The following STIL variants were observed in gnomAD, a reference collection of about 807,000 sequenced individuals.
The protein encoded by STIL is SCL-interrupting locus protein.
A neutral mutation model predicts 110.1 loss-of-function variants in STIL; 55 were observed. The ratio of observed to expected loss-of-function variants is 0.50; its 90% confidence interval spans 0.40 to 0.63. The LOEUF is 0.63. Among genes scored for constraint, STIL ranks in the 20% least tolerant of loss-of-function variants. STIL has a pLI of 0.00. For missense variants in STIL, 1,358 were observed against 1,530.0 expected (o/e 0.89, Z 1.87); for synonymous variants, 481 against 530.0 (o/e 0.91, Z 1.27).
chr1:47,287,624 C>G lies in STIL; in HGVS notation c.1060G>C (p.Glu354Gln), dbSNP rs184044615. The G allele has an allele frequency of 5.6e-6, 9 of 1,613,618 alleles. No individual in the cohort carries two copies. The Admixed American group carries it at 1.5e-4, about 27-fold the overall frequency. ...GCATTTTGGCTTTCAGCGCTCAGTT[C>G]ACAACGGATTGGATTTTTGTCAGGA... is the stretch of plus-strand genomic sequence containing the variant. ...EPPDKNPIRC[E>Q]LSAESQNAET... Residue 354 changes from glutamate (E) to glutamine (Q), a missense_variant, in exon 10 of 17, where the codon GAA becomes CAA. Physicochemically the swap from Glu to Gln is conservative, Grantham distance 29 (BLOSUM62 2). Coordinates refer to ENST00000371877, the MANE Select transcript of STIL (RefSeq NM_001048166.1).
chr1:47,311,280 T>TTC (rs1557782875), intron 1 of STIL, among the ~76,000 whole-genome samples: 3 of 147,734 alleles, frequency 2.0e-5, no homozygotes, highest in African/African-American at 2.6e-5. Context: ...CTTTTCTTTT[T>TTC]TTCTTTTTTT....
chr1:47,264,049 G>A (rs1644565489), intron 14 of STIL, among the ~76,000 whole-genome samples: 2 of 152,024 alleles, frequency 1.3e-5, no homozygotes, highest in Non-Finnish European at 2.9e-5. Context: ...CACTGCACCT[G>A]GCCTCAAGGA....
In STIL at chr1:47,280,400, T is replaced by G. The variant is rs981021442; in HGVS notation, c.2058A>C (p.Ala686=). The change falls in exon 12 of 17, where the codon GCA becomes GCC. Residue 686 remains alanine (A), a synonymous_variant. Coordinates refer to ENST00000371877, the MANE Select transcript of STIL (RefSeq NM_001048166.1). ...PHSNIEPSPV[A]RPPSHMDLCN... The stretch of plus-strand genomic sequence containing the variant: ...ATAAGTCCATATGTGAAGGCGGTCT[T>G]GCCACAGGCGATGGTTCAATATTGC... 6.2e-7 allele frequency: 1 copy of G among 1,614,228 alleles called. No individual in the cohort carries two copies. Among genetic ancestry groups the G allele is most frequent in the East Asian group, 2.2e-5 (1 of 44,880 alleles).
chr1:47,272,391 C>A, intron 12 of STIL, 150 bp from the exon 13 acceptor site: 1 of 774,254 alleles, frequency 1.3e-6, no homozygotes, highest in South Asian at 1.6e-5. Flanking sequence ...TACCATGAAA[C>A]TTATTCAATA....
At chr1:47,311,812 C>T (rs1646134060) in intron 1 of STIL, among the ~76,000 whole-genome samples, 1 of 152,044 alleles carries the variant, frequency 6.6e-6, no homozygotes, top group Admixed American at 6.6e-5. Flanking sequence ...TTTGGGAGGC[C>T]GAGGTGGGTG....
chr1:47,273,624 C>A (rs771563829), intron 12 of STIL, among the ~76,000 whole-genome samples: 4 of 152,156 alleles, frequency 2.6e-5, no homozygotes, highest in Non-Finnish European at 5.9e-5. Context: ...AGGTTGTTTT[C>A]ACTTTGGGCT....
At chr1:47,314,479 A>T (rs552712538), upstream of STIL, among the ~76,000 whole-genome samples, 7 of 152,372 alleles carry the variant, frequency 4.6e-5, no homozygotes, top group East Asian at 1.3e-3. Flanking sequence ...AGCGAGTGGC[A>T]GATGAAGCCG....
intron 12 of STIL, among the ~76,000 whole-genome samples, chr1:47,276,419 TA>T (rs1219489991): frequency 6.6e-6 from 1 of 152,036 alleles, no homozygotes; most frequent in Non-Finnish European, 1.5e-5. Context: ...CATATACATA[TA>T]TATATATATG....
In STIL at chr1:47,260,560, T is replaced by G. The variant is rs764618787; in HGVS notation, c.2830-21A>C. 8 of 1,613,426 alleles carry G rather than the reference T, an allele frequency of 5.0e-6. No individual in the cohort carries two copies. The South Asian group carries it at 8.8e-5, about 18-fold the overall frequency. On this transcript the variant is annotated intron_variant, in intron 15 of 16. Transcript: ENST00000371877. Reference sequence around the variant, plus strand: ...TGACCCTGACAAAAAGAAAAAAAATTTTTTTGAAAAATCACTATTAACAAT... The same window carrying G: ...TGACCCTGACAAAAAGAAAAAAAATGTTTTTGAAAAATCACTATTAACAAT...
intron 2 of STIL, among the ~76,000 whole-genome samples, chr1:47,309,244 T>C (rs1229630381): frequency 2.6e-5 from 4 of 151,974 alleles, no homozygotes; most frequent in Non-Finnish European, 4.4e-5. Context: ...ATTTTTTTAA[T>C]TAAAAACAGA....
chr1:47,283,907 G>C (rs1227549253), intron 10 of STIL: 1 of 150,018 alleles, frequency 6.7e-6, no homozygotes, highest in Non-Finnish European at 1.5e-5. Flanking sequence ...TTTTGCGGGG[G>C]GGTGGGGGGT....
In STIL at chr1:47,289,575, C is replaced by A; in HGVS notation, c.883G>T (p.Glu295Ter). Residue 295 changes from glutamate to a stop codon, truncating the protein, a stop_gained, in exon 9 of 17, where the codon GAA becomes TAA. Coordinates refer to ENST00000371877, the MANE Select transcript of STIL (RefSeq NM_001048166.1). LOFTEE classifies it high-confidence loss of function. The stretch of plus-strand genomic sequence containing the variant: ...AGAACTATGATGAAATTTCCAGATT[C>A]TGAAAAAACCCTGCACAAAAAAAGT... ...NSSVQERVFS[E>*]SGNFIIVLYS... is the part of the protein sequence containing the mutation. 6.2e-7 allele frequency: 1 copy of A among 1,613,430 alleles called. No individual in the cohort carries two copies. The highest frequency in any genetic ancestry group is 1.1e-5 in the South Asian group (1 of 91,016).
chr1:47,280,476 C>G lies in STIL; in HGVS notation c.1982G>C (p.Ser661Thr). The part of the protein sequence containing the change: ...LYCNAFCSSS[S>T]PIALRPQGDM... ...TCCCTGAGGTCTCAAGGCTATAGGA[C>G]TACTTGAAGAACAGAATGCATTACA... The change falls in exon 12 of 17, where the codon AGT (serine) becomes ACT (threonine). Residue 661 changes from serine (S) to threonine (T), a missense_variant. Physicochemically the swap from Ser to Thr is moderately conservative, Grantham distance 58 (BLOSUM62 1). Transcript: ENST00000371877. The G allele has an allele frequency of 1.2e-6, 2 of 1,614,212 alleles. No individual in the cohort carries two copies. The highest frequency in any genetic ancestry group is 1.7e-6 in the Non-Finnish European group (2 of 1,180,036).
At chr1:47,280,180 C>A (rs1423796118) in intron 12 of STIL, 61 bp downstream of exon 12, 2 of 1,607,106 alleles carry the variant, frequency 1.2e-6, no homozygotes, top group East Asian at 2.2e-5. Flanking sequence ...AGGAGAGGTG[C>A]CAGTTTTTAA....
At chr1:47,297,874 A>G (rs1321118024) in intron 6 of STIL, among the ~76,000 whole-genome samples, 1 of 152,252 alleles carries the variant, frequency 6.6e-6, no homozygotes, top group African/African-American at 2.4e-5. Context: ...TCACAGATGG[A>G]TAATTCCAAG....
chr1:47,312,355 T>C (rs1646151904), intron 1 of STIL, among the ~76,000 whole-genome samples: 1 of 150,904 alleles, frequency 6.6e-6, no homozygotes, highest in Admixed American at 6.6e-5. Flanking sequence ...TGGGGTGTGG[T>C]GGCGGGCACC....
intron 2 of STIL, among the ~76,000 whole-genome samples, chr1:47,309,065 AAATAAT>A (rs1007886165): frequency 1.3e-5 from 2 of 151,124 alleles, no homozygotes; most frequent in African/African-American, 4.9e-5. Context: ...AAAAAAAAAA[AAATAAT>A]AATAATTAAA....
intron 1 of STIL, among the ~76,000 whole-genome samples, chr1:47,312,552 C>G (rs980305988): frequency 2.0e-5 from 3 of 152,140 alleles, no homozygotes; most frequent in Admixed American, 6.5e-5. Flanking sequence ...ATCCTAAAAC[C>G]CTTCCTTAGT....
Position 47,295,753 on chromosome 1 carries a change from T to C in STIL, c.785+12A>G, listed in dbSNP as rs889935987. ...TGGCTGATAAGGTTTTCATAAATAA[T>C]GTAATACTTACATTCCCACCAATGG... is the stretch of plus-strand genomic sequence containing the variant. On this transcript the variant is annotated intron_variant, in intron 7 of 16. Transcript: ENST00000371877. The C allele has an allele frequency of 1.3e-6, 2 of 1,576,652 alleles. No individual in the cohort carries two copies. Among genetic ancestry groups the C allele is most frequent in the Admixed American group, 1.7e-5 (1 of 59,926 alleles).
Sources: allele counts gnomAD v4.1 joint callset (sites outside exome capture counted in the v4.1 genomes callset), GRCh38; gene constraint gnomAD v4.1.1; transcripts MANE v1.5; gene names NCBI Gene and HGNC (gene_info 2026-07-23, HGNC 2026-07-21).